Variants in NAT16 observed in about 807,000 individuals in gnomAD.
NAT16 encodes the protein probable N-acetyltransferase 16.
A neutral mutation model predicts 15.9 loss-of-function variants in NAT16; 16 were observed. That is an observed-to-expected ratio of 1.01 (90% CI 0.68 to 1.53). The LOEUF is 1.53. Ranked by LOEUF, NAT16 falls within the 40% of genes most tolerant of loss-of-function variation. NAT16 has a pLI of 0.00. For synonymous variants in NAT16, 260 were observed against 241.9 expected, an observed-to-expected ratio of 1.07 and a Z score of -0.69; for missense variants, 572 against 508.4, an observed-to-expected ratio of 1.13 and a Z score of -1.20.
chr7:101,172,655 CG>C lies in NAT16; in HGVS notation c.538-5del, dbSNP rs761371636. ...TGAATCGGACCAAAAGGATGCCCTG[CG>C]GGGGGCACGAGTGAGCGCGGGGAGG... is the stretch of plus-strand genomic sequence containing the variant. On this transcript the variant is annotated splice_region_variant and splice_polypyrimidine_tract_variant and intron_variant, in intron 3 of 3. Transcript: ENST00000300303. This position sits in a 1 kb window ranked among gnomAD's most constrained non-coding sequence, Gnocchi z 4.2. 1.7e-5 allele frequency: 25 copies of C among 1,498,088 alleles called. No individual in the cohort carries two copies. The Admixed American group carries it at 4.2e-4, about 25-fold the overall frequency. The allele number at this position is 1,498,088 out of a possible 1,614,324, so 92.8% of individuals were successfully genotyped here.
intron 2 of NAT16, chr7:101,174,294 C>G: frequency 1.5e-6 from 1 of 664,004 alleles, no homozygotes; most frequent in South Asian, 2.0e-5. Flanking sequence ...GGTTCCTCTG[C>G]TTTAGGAGTC....
intron 1 of NAT16, among the ~76,000 whole-genome samples, chr7:101,175,136 G>A (rs928690214): frequency 2.6e-5 from 4 of 151,996 alleles, no homozygotes; most frequent in African/African-American, 9.7e-5. Flanking sequence ...TGTATTTTTA[G>A]TAGAGACGGA....
At position 101,172,282 on chromosome 7, in the gene NAT16, C is replaced by A. The variant is rs1003733858; in HGVS notation, c.907G>T (p.Gly303Cys). Residue 303 changes from glycine to cysteine, a missense_variant, in exon 4 of 4, where the codon GGT (glycine) becomes TGT (cysteine). Physicochemically the swap from Gly to Cys is radical, Grantham distance 159 (BLOSUM62 -3). Coordinates refer to ENST00000300303, the MANE Select transcript of NAT16 (RefSeq NM_198571.3). The surrounding 1 kb of genome is among the most constrained non-coding windows in gnomAD (Gnocchi z 4.2). ...TWRYLNIDAF[G>C]SDGAQVQSQL... The stretch of plus-strand genomic sequence containing the variant: ...CTCTGCACCTGCGCGCCGTCGCTAC[C>A]GAAGGCGTCGATGTTGAGATAGCGC... 5.6e-6 allele frequency: 9 copies of A among 1,612,462 alleles called. No individual in the cohort carries two copies.
chr7:101,173,203 G>C lies in NAT16; in HGVS notation c.537+93C>G. 4 of 1,163,314 alleles carry C rather than the reference G, an allele frequency of 3.4e-6. No homozygotes were observed. In the South Asian group the frequency reaches 3.8e-5, roughly 11 times the overall value. The allele number at this position is 1,163,314 out of a possible 1,614,324, so 72.1% of individuals were successfully genotyped here. The stretch of plus-strand genomic sequence containing the variant: ...CGCGCCACTCGGTAAAGCCCAGAGA[G>C]AGAGCAAGCCCGTGTTCTGCTGGGG... On this transcript the variant is annotated intron_variant, in intron 3 of 3. Transcript: ENST00000300303.
chr7:101,178,074 C>T (rs1019466760), intron 1 of NAT16, among the ~76,000 whole-genome samples: 18 of 152,240 alleles, frequency 1.2e-4, no homozygotes, highest in African/African-American at 3.9e-4. Context: ...CTGGAACCCA[C>T]CTGACTCATT....
intron 1 of NAT16, among the ~76,000 whole-genome samples, chr7:101,176,447 G>C (rs1431136590): frequency 1.3e-5 from 2 of 150,146 alleles, no homozygotes; most frequent in Non-Finnish European, 2.9e-5. Context: ...GTGAGCCTGA[G>C]CCGAGGTTGA....
Position 101,174,791 on chromosome 7 carries a change from C to A in NAT16, c.17G>T (p.Ser6Ile). The A allele has an allele frequency of 6.3e-7, 1 of 1,575,156 alleles. No individual in the cohort carries two copies. The highest frequency in any genetic ancestry group is 8.6e-7 in the Non-Finnish European group (1 of 1,162,346). ...GACCTCTGAGGTGGCTGTGCCACAG[C>A]TGGCTTCCAGCTTCATGACCCTGCA... Reference protein sequence around the residue: MKLEASCGTATSEVPK... With the variant: MKLEAICGTATSEVPK... The change falls in exon 2 of 4, where the codon AGC (serine) becomes ATC (isoleucine). Residue 6 changes from serine (S) to isoleucine (I), a missense_variant. Coordinates refer to ENST00000300303, the MANE Select transcript of NAT16 (RefSeq NM_198571.3).
In NAT16 at chr7:101,172,014, AG is replaced by A; in HGVS notation, c.*64del. On this transcript the variant is annotated 3_prime_UTR_variant, in exon 4 of 4. Transcript: ENST00000300303. This position sits in a 1 kb window ranked among gnomAD's most constrained non-coding sequence, Gnocchi z 4.2. ...CGCAGCGTCGGAAATGGCAGGAAAG[AG>A]GCTGGCTGGGGAAACTGCGGAAGGG... 1 of 1,186,778 alleles carries A rather than the reference AG, an allele frequency of 8.4e-7. No individual in the cohort carries two copies. Among genetic ancestry groups the A allele is most frequent in the Non-Finnish European group, 1.2e-6 (1 of 823,310 alleles). 73.5% of individuals were successfully genotyped at this position (1,186,778 alleles called of 1,614,324 possible). A position where few individuals can be genotyped will look rare whatever the true frequency, so the allele number is the denominator to read the frequency against.
At chr7:101,174,365 C>A in intron 2 of NAT16, 131 bp downstream of exon 2, 1 of 1,279,650 alleles carries the variant, frequency 7.8e-7, no homozygotes, top group East Asian at 2.5e-5. Context: ...GCACTTTGGT[C>A]CCAAAGCAGG....
intron 2 of NAT16, chr7:101,174,213 C>A: frequency 1.9e-6 from 1 of 515,738 alleles, no homozygotes; most frequent in South Asian, 3.2e-5. Flanking sequence ...CTGCTCCCCA[C>A]CTCCTTTGCT....
In NAT16 at chr7:101,177,063, T is replaced by C. The variant is rs143855378; in HGVS notation, c.-4-2252A>G. On this transcript the variant is annotated intron_variant, in intron 1 of 3. Transcript: ENST00000300303. ...CAAGACAAGAGTTCTATCTCCCTCT[T>C]TGTTTTCTGATTCTTTCTCATCTGA... Among the ~76,000 whole-genome samples, 199 of 152,264 alleles carry C rather than the reference T, an allele frequency of 1.3e-3. 1 individual carries two copies. The highest frequency in any genetic ancestry group is 4.6e-3 in the African/African-American group (191 of 41,548).
At position 101,174,764 on chromosome 7, in the gene NAT16, G is replaced by A. The variant is rs1333807517; in HGVS notation, c.44C>T (p.Pro15Leu). The change falls in exon 2 of 4, where the codon CCT becomes CTT. Residue 15 changes from proline to leucine, a missense_variant. Transcript: ENST00000300303. ...ASCGTATSEV[P>L]KPEKKTARDA... ...TCGGGCAGTCTTCTTTTCCGGCTTA[G>A]GGACCTCTGAGGTGGCTGTGCCACA... 1 of 1,600,084 alleles carries A rather than the reference G, an allele frequency of 6.2e-7. No individual in the cohort carries two copies. Among genetic ancestry groups the A allele is most frequent in the South Asian group, 1.1e-5 (1 of 90,766 alleles).
At position 101,171,994 on chromosome 7, in the gene NAT16, C is replaced by T. The variant is rs1026922157; in HGVS notation, c.*85G>A. On this transcript the variant is annotated 3_prime_UTR_variant, in exon 4 of 4. Coordinates refer to ENST00000300303, the MANE Select transcript of NAT16 (RefSeq NM_198571.3). ...AGAGGGGACTTCCCAGGAGACGCAG[C>T]GTCGGAAATGGCAGGAAAGAGGCTG... The T allele has an allele frequency of 9.5e-6, 9 of 943,716 alleles. No homozygotes were observed. The African/African-American group carries it at 1.2e-4, about 12-fold the overall frequency. 58.5% of individuals were successfully genotyped at this position (943,716 alleles called of 1,614,324 possible). A position where few individuals can be genotyped will look rare whatever the true frequency, so the allele number is the denominator to read the frequency against.
intron 1 of NAT16, among the ~76,000 whole-genome samples, chr7:101,177,312 T>A (rs758626558): frequency 6.6e-6 from 1 of 152,122 alleles, no homozygotes; most frequent in African/African-American, 2.4e-5. Context: ...GGGGGAGACC[T>A]CTTATTATTA....
At chr7:101,174,015 C>T in intron 2 of NAT16, 1 of 211,494 alleles carries the variant, frequency 4.7e-6, no homozygotes, top group Non-Finnish European at 9.3e-6. Flanking sequence ...CAGGAGTTAG[C>T]CGACGCGCCC....
At chr7:101,174,369 A>T in intron 2 of NAT16, 127 bp downstream of exon 2, 1 of 1,306,464 alleles carries the variant, frequency 7.7e-7, no homozygotes, top group Non-Finnish European at 1.0e-6. Flanking sequence ...TTTGGTCCCA[A>T]AGCAGGCTCT....
At position 101,174,482 on chromosome 7, in the gene NAT16, G is replaced by GC. The variant is rs1380575563; in HGVS notation, c.312+13dup. The GC allele has an allele frequency of 6.2e-7, 1 of 1,601,050 alleles. No individual in the cohort carries two copies. Among genetic ancestry groups the GC allele is most frequent in the African/African-American group, 1.3e-5 (1 of 74,502 alleles). On this transcript the variant is annotated intron_variant, in intron 2 of 3. Transcript: ENST00000300303. ...CTTCACCCCATGTCACCTGGGCCGT[G>GC]CCCCCGGGCTCACCACGCCTCCGTT...
intron 1 of NAT16, among the ~76,000 whole-genome samples, chr7:101,178,284 G>T (rs974762824): frequency 3.3e-5 from 5 of 152,086 alleles, no homozygotes; most frequent in African/African-American, 4.8e-5. Flanking sequence ...CTCTACCCCT[G>T]TTCCATTTTG....
chr7:101,173,753 G>A (rs2116726644), intron 2 of NAT16: 1 of 533,230 alleles, frequency 1.9e-6, no homozygotes, highest in Non-Finnish European at 3.3e-6. Context: ...ATTTAGGACA[G>A]GGTCTCCTCA....
Sources: gnomAD v4.1 joint callset for allele counts (sites outside exome capture counted in the v4.1 genomes callset) on GRCh38, gnomAD v4.1.1 for gene constraint, Gnocchi (gnomAD v3.1) non-coding constraint, MANE v1.5 for transcripts, NCBI Gene and HGNC (gene_info 2026-07-23, HGNC 2026-07-21) for gene names.